ALPK2: variants seen among roughly 807,000 people sequenced by gnomAD.
ALPK2 encodes the protein alpha kinase 2.
Under a neutral mutation model 163.1 loss-of-function variants are expected in ALPK2, and 127 were observed. The ratio of observed to expected loss-of-function variants is 0.78; its 90% CI spans 0.67 to 0.90. The LOEUF is 0.90. ALPK2 is among the 40% of genes least tolerant of loss of function. The pLI is 0.00. For synonymous variants in ALPK2, 953 were observed against 959.1 expected (o/e 0.99, Z 0.12); for missense variants, 2,360 against 2,589.6 (o/e 0.91, Z 1.92).
intron 4 of ALPK2, among the ~76,000 whole-genome samples, chr18:58,554,385 A>G (rs1428742238): frequency 1.3e-5 from 2 of 152,182 alleles, no homozygotes; most frequent in East Asian, 3.8e-4. Context: ...ACTAGGCACC[A>G]TGGTTGCTGG....
chr18:58,520,732 TTTA>T (rs1165610935), intron 8 of ALPK2, among the ~76,000 whole-genome samples: 1 of 152,222 alleles, frequency 6.6e-6, no homozygotes, highest in Non-Finnish European at 1.5e-5. Flanking sequence ...TGAGCTTAGC[TTTA>T]TTAGTTTTTT....
intron 3 of ALPK2, among the ~76,000 whole-genome samples, chr18:58,588,963 G>C (rs2052001367): frequency 6.6e-6 from 1 of 152,194 alleles, no homozygotes; most frequent in Admixed American, 6.5e-5. Context: ...TAATGGGATT[G>C]CTGGGTATGT....
At position 58,603,099 on chromosome 18, in the gene ALPK2, GC is replaced by G. The variant is rs370241350; in HGVS notation, c.227+4222del. Among the ~76,000 whole-genome samples the G allele has an allele frequency of 5.3e-3, 807 of 152,290 alleles. 9 individuals are homozygous for G. The highest frequency in any genetic ancestry group is 0.018 in the African/African-American group (763 of 41,540). On this transcript the variant is annotated intron_variant, in intron 3 of 12. Transcript: ENST00000361673. ...ATAAATAAGTATACTCAGGCGAGCA[GC>G]CTATACCGCTGCTCTGCCATTCTTT...
chr18:58,609,292 C>T (rs1414805318), intron 2 of ALPK2, among the ~76,000 whole-genome samples: 5 of 152,206 alleles, frequency 3.3e-5, no homozygotes, highest in African/African-American at 1.2e-4. Flanking sequence ...GGCTGAGCCT[C>T]TTACAGGCAT....
intron 4 of ALPK2, 43 bp downstream of exon 4, chr18:58,578,771 C>CACACACACACACACAT (rs1555673966): frequency 1.3e-6 from 2 of 1,562,016 alleles, no homozygotes; most frequent in African/African-American, 1.4e-5. Context: ...CACACACACA[C>CACACACACACACACAT]GGTTCTTTTT....
chr18:58,484,923 A>G (rs2051331139), intron 12 of ALPK2, among the ~76,000 whole-genome samples: 1 of 152,206 alleles, frequency 6.6e-6, no homozygotes, highest in Non-Finnish European at 1.5e-5. Context: ...TTCCTGTGGA[A>G]GAGACTTTGA....
At chr18:58,581,490 A>G (rs1383133029) in intron 3 of ALPK2, among the ~76,000 whole-genome samples, 1 of 152,204 alleles carries the variant, frequency 6.6e-6, no homozygotes. Flanking sequence ...GCAGGGGAGG[A>G]ACAGAATGCT....
At chr18:58,487,307 A>G (rs1321950570) in intron 12 of ALPK2, among the ~76,000 whole-genome samples, 1 of 152,198 alleles carries the variant, frequency 6.6e-6, no homozygotes, top group East Asian at 1.9e-4. Context: ...TAAGTTAAAG[A>G]GATGCGTCTA....
At position 58,536,282 on chromosome 18, in the gene ALPK2, T is replaced by C. The variant is rs767191439; in HGVS notation, c.3905A>G (p.Asp1302Gly). The change falls in exon 5 of 13, where the codon GAT becomes GGT. Residue 1302 changes from aspartate (D) to glycine (G), a missense_variant. Asp to Gly is a moderately conservative substitution (Grantham distance 94). Transcript: ENST00000361673. ...EIAALAHSPE[D>G]AESALADSRE... ...GCTATCAGCAAGGGCTGACTCAGCA[T>C]CCTCTGGACTGTGAGCCAATGCTGC... 66 of 1,614,076 alleles carry C rather than the reference T, an allele frequency of 4.1e-5. No homozygotes were observed. The highest frequency in any genetic ancestry group is 5.5e-5 in the Non-Finnish European group (65 of 1,180,030).
chr18:58,524,108 T>C (rs771669995), intron 6 of ALPK2, 46 bp from the exon 7 acceptor site: 1 of 1,573,762 alleles, frequency 6.4e-7, no homozygotes, highest in African/African-American at 1.4e-5. Flanking sequence ...CATTCTACAG[T>C]TGCATTTTTT....
chr18:58,484,209 A>G (rs1386682590), intron 12 of ALPK2, among the ~76,000 whole-genome samples: 2 of 152,138 alleles, frequency 1.3e-5, no homozygotes, highest in Admixed American at 1.3e-4. Context: ...GTTGACCTGT[A>G]TCAGTGCTGT....
intron 6 of ALPK2, among the ~76,000 whole-genome samples, chr18:58,525,665 T>C (rs910489957): frequency 6.6e-6 from 1 of 152,146 alleles, no homozygotes; most frequent in African/African-American, 2.4e-5. Context: ...TCAGGTGTGC[T>C]ATGTAGCCTG....
chr18:58,482,385 CTT>C (rs1487677917), intron 12 of ALPK2, among the ~76,000 whole-genome samples: 9 of 152,042 alleles, frequency 5.9e-5, no homozygotes, highest in African/African-American at 1.7e-4. Context: ...ACACAGATCT[CTT>C]AGTGATCGAA....
At chr18:58,513,104 T>C (rs2051502463) in intron 10 of ALPK2, among the ~76,000 whole-genome samples, 1 of 150,006 alleles carries the variant, frequency 6.7e-6, no homozygotes, top group Non-Finnish European at 1.5e-5. Context: ...GTGTGGTATG[T>C]GTGTTGTATG....
chr18:58,527,830 G>A (rs1039475353), intron 6 of ALPK2, among the ~76,000 whole-genome samples: 20 of 152,204 alleles, frequency 1.3e-4, no homozygotes, highest in African/African-American at 4.8e-4. Context: ...ATGCTCTGGA[G>A]TGATGTTAGT....
At chr18:58,601,887 GC>G (rs1393513561) in intron 3 of ALPK2, among the ~76,000 whole-genome samples, 2 of 152,214 alleles carry the variant, frequency 1.3e-5, no homozygotes, top group African/African-American at 4.8e-5. Flanking sequence ...CAACCTTGGT[GC>G]TCCAGACATC....
In ALPK2 at chr18:58,537,002, C is replaced by T. The variant is rs745684657; in HGVS notation, c.3185G>A (p.Ser1062Asn). The change falls in exon 5 of 13, where the codon AGT becomes AAT. Residue 1062 changes from serine to asparagine, a missense_variant. Ser to Asn is a conservative substitution (Grantham distance 46, BLOSUM62 1). Coordinates refer to ENST00000361673, the MANE Select transcript of ALPK2 (RefSeq NM_052947.4). ...TTTTGTAGATTTGATGGTAGCACCA[C>T]TTAAAATATGATCCAACTGCACTTG... ...PSQVQLDHIL[S>N]GATIKSTKEL... The T allele has an allele frequency of 1.2e-6, 2 of 1,614,170 alleles. No homozygotes were observed. The highest frequency in any genetic ancestry group is 1.7e-6 in the Non-Finnish European group (2 of 1,180,020).
Position 58,535,387 on chromosome 18 carries a change from G to C in ALPK2, c.4800C>G (p.Pro1600=). 1 of 1,614,166 alleles carries C rather than the reference G, an allele frequency of 6.2e-7. No homozygotes were observed. Among genetic ancestry groups the C allele is most frequent in the Non-Finnish European group, 8.5e-7 (1 of 1,180,018 alleles). ...TIENERGKPL[P]SSPDLTRFPC... Reference sequence around the variant, plus strand: ...GGAACCTGGTAAGATCAGGAGAAGAGGGCAAAGGTTTCCCACGCTCATTCT... The same window carrying C: ...GGAACCTGGTAAGATCAGGAGAAGACGGCAAAGGTTTCCCACGCTCATTCT... The change falls in exon 5 of 13, where the codon CCC becomes CCG. Residue 1600 remains proline (P), a synonymous_variant. Coordinates refer to ENST00000361673, the MANE Select transcript of ALPK2 (RefSeq NM_052947.4).
Position 58,490,666 on chromosome 18 carries a change from C to T in ALPK2, c.6296+7383G>A, listed in dbSNP as rs1455263202. On this transcript the variant is annotated intron_variant, in intron 12 of 12. Coordinates refer to ENST00000361673, the MANE Select transcript of ALPK2 (RefSeq NM_052947.4). ...GAATACAAAAAGTTCCCTCTTTCTG[C>T]AGAAAAATGTGAGAGGAGGGCAGAG... Among the ~76,000 whole-genome samples, 11 of 152,244 alleles carry T rather than the reference C, an allele frequency of 7.2e-5. No homozygotes were observed. In the South Asian group the frequency reaches 1.2e-3, roughly 17 times the overall value.
Sources: allele counts gnomAD v4.1 joint callset (sites outside exome capture counted in the v4.1 genomes callset), GRCh38; gene constraint gnomAD v4.1.1; transcripts MANE v1.5; gene names NCBI Gene and HGNC (gene_info 2026-07-23, HGNC 2026-07-21).